Variants in MARCHF6 observed in about 807,000 individuals in gnomAD.
The protein encoded by MARCHF6 is membrane associated ring-CH-type finger 6, also known as E3 ubiquitin-protein ligase MARCHF6.
Under a neutral mutation model 133.7 loss-of-function variants are expected in MARCHF6, and 31 were observed. That is an observed-to-expected ratio of 0.23 (90% CI 0.17 to 0.31). The LOEUF (loss-of-function observed/expected upper bound fraction) is 0.31. MARCHF6 is among the 10% of genes least tolerant of loss of function. The probability of loss-of-function intolerance (pLI) is 1.00; values close to 1 mark genes in which losing one functional copy is unlikely to be tolerated. For synonymous variants in MARCHF6, 395 were observed against 402.5 expected (o/e 0.98, Z 0.22); for missense variants, 723 against 1,121.6 (o/e 0.64, Z 5.08).
chr5:10,360,335 G>A (rs1735748724), intron 1 of MARCHF6, among the ~76,000 whole-genome samples: 1 of 151,798 alleles, frequency 6.6e-6, no homozygotes, highest in Admixed American at 6.6e-5. Context: ...TTTTCGTAGA[G>A]ATGGGGTTTC....
At chr5:10,419,019 A>T (rs938927163) in intron 22 of MARCHF6, among the ~76,000 whole-genome samples, 1 of 152,214 alleles carries the variant, frequency 6.6e-6, no homozygotes, top group African/African-American at 2.4e-5. Flanking sequence ...CAGGAGGGAG[A>T]TGGGCAGACC....
intron 22 of MARCHF6, among the ~76,000 whole-genome samples, chr5:10,417,818 A>G (rs962650022): frequency 1.3e-5 from 2 of 149,586 alleles, no homozygotes; most frequent in Non-Finnish European, 3.0e-5. Flanking sequence ...TTTTTTTTTT[A>G]ATTCTAGGAA....
At chr5:10,405,873 T>A (rs1321128657) in intron 16 of MARCHF6, among the ~76,000 whole-genome samples, 196 bp downstream of exon 16, 2 of 152,178 alleles carry the variant, frequency 1.3e-5, no homozygotes, top group Non-Finnish European at 2.9e-5. Flanking sequence ...TAAAAAGATA[T>A]TTACTAAAAG....
chr5:10,416,052 T>C (rs1361513486), intron 21 of MARCHF6, among the ~76,000 whole-genome samples: 2 of 151,960 alleles, frequency 1.3e-5, no homozygotes, highest in Non-Finnish European at 2.9e-5. Flanking sequence ...CTGGATCATT[T>C]AGTAGCATGT....
chr5:10,405,115 T>G (rs1329777241), intron 15 of MARCHF6, among the ~76,000 whole-genome samples: 1 of 152,180 alleles, frequency 6.6e-6, no homozygotes, highest in Admixed American at 6.5e-5. Flanking sequence ...TTGGACCACA[T>G]AGAACTAGTA....
At chr5:10,420,846 A>G (rs915649016) in intron 22 of MARCHF6, among the ~76,000 whole-genome samples, 2 of 152,184 alleles carry the variant, frequency 1.3e-5, no homozygotes, top group Non-Finnish European at 1.5e-5. Context: ...CTTTTTCTAG[A>G]TAAGATTTAT....
Position 10,391,582 on chromosome 5 carries a change from A to G in MARCHF6, c.617A>G (p.Asp206Gly), listed in dbSNP as rs778871390. The part of the protein sequence containing the change: ...GGNGAENVAA[D>G]QPANPPAENA... ...AATGGTGCAGAAAATGTTGCTGCTGATCAGCCTGCTAACCCACCAGCTGAG... is the reference window on the plus strand; with the variant it reads ...AATGGTGCAGAAAATGTTGCTGCTGGTCAGCCTGCTAACCCACCAGCTGAG... The change falls in exon 7 of 26, where the codon GAT becomes GGT. Residue 206 changes from aspartate to glycine, a missense_variant. By Grantham distance (94) the Asp-to-Gly change is moderately conservative (BLOSUM62 -1). Around this residue, in one of 4 missense-constraint regions of MARCHF6, gnomAD observed 97 missense variants for 115.4 expected, o/e 0.84. Coordinates refer to ENST00000274140, the MANE Select transcript of MARCHF6 (RefSeq NM_005885.4). The G allele has an allele frequency of 1.2e-6, 2 of 1,612,052 alleles. No homozygotes were observed. The highest frequency in any genetic ancestry group is 3.3e-5 in the Admixed American group (2 of 59,778).
In MARCHF6 at chr5:10,395,516, C is replaced by G. The variant is rs368361457; in HGVS notation, c.861+731C>G. Among the ~76,000 whole-genome samples, 62 of 152,186 alleles carry G rather than the reference C, an allele frequency of 4.1e-4. 1 individual carries two copies. The highest frequency in any genetic ancestry group is 1.4e-3 in the Admixed American group (21 of 15,292). On this transcript the variant is annotated intron_variant, in intron 9 of 25. Coordinates refer to ENST00000274140, the MANE Select transcript of MARCHF6 (RefSeq NM_005885.4). ...TGCCATATTAGTAAAGATTGCAAGT[C>G]TAAGGTGAGGAGCAATTCTTTAAAG...
chr5:10,425,977 CTCA>C lies in MARCHF6; in HGVS notation c.2374-408_2374-406del, dbSNP rs561388529. 9.9e-5 allele frequency among the ~76,000 whole-genome samples: 15 copies of C among 152,266 alleles called. No homozygotes were observed. In the South Asian group the frequency reaches 1.2e-3, roughly 13 times the overall value. ...GAAACGCTTCCTGCTTCAGTGTTTT[CTCA>C]TCATACTCAGATAAAATGAATGCAA... On this transcript the variant is annotated intron_variant, in intron 23 of 25. Coordinates refer to ENST00000274140, the MANE Select transcript of MARCHF6 (RefSeq NM_005885.4).
chr5:10,410,092 A>G, intron 17 of MARCHF6, 47 bp from the exon 18 acceptor site: 2 of 1,589,560 alleles, frequency 1.3e-6, no homozygotes, highest in South Asian at 2.2e-5. Flanking sequence ...ATTAAATAGT[A>G]GTCATATGCA....
At chr5:10,365,318 G>A (rs928926801) in intron 1 of MARCHF6, among the ~76,000 whole-genome samples, 2 of 151,942 alleles carry the variant, frequency 1.3e-5, no homozygotes, top group African/African-American at 4.8e-5. Context: ...TATTATTTTT[G>A]AGACAGAGTT....
intron 11 of MARCHF6, 21 bp from the exon 12 acceptor site, chr5:10,402,038 T>C: frequency 6.8e-7 from 1 of 1,472,136 alleles, no homozygotes; most frequent in Non-Finnish European, 9.5e-7. Flanking sequence ...TAAATTTTAT[T>C]TACTTTTTTC....
chr5:10,407,962 C>G (rs1361018396), intron 17 of MARCHF6, among the ~76,000 whole-genome samples: 2 of 142,918 alleles, frequency 1.4e-5, no homozygotes, highest in African/African-American at 2.5e-5. Context: ...ATCCCCCCCC[C>G]CCCAAAAAAA....
At chr5:10,384,667 G>A (rs139647705) in intron 4 of MARCHF6, among the ~76,000 whole-genome samples, 119 of 152,266 alleles carry the variant, frequency 7.8e-4, no homozygotes, top group African/African-American at 2.2e-3. Flanking sequence ...TGCACAAGGA[G>A]GGTGACTAAA....
At chr5:10,420,080 G>A (rs530859530) in intron 22 of MARCHF6, among the ~76,000 whole-genome samples, 6 of 151,996 alleles carry the variant, frequency 3.9e-5, no homozygotes, top group Non-Finnish European at 8.8e-5. Context: ...ATCTGGGGCT[G>A]TTGACTGGAG....
rs1278659374 is a variant in MARCHF6, at chr5:10,438,329, T to C, written c.*4645T>C. 3 of 152,230 alleles carry C rather than the reference T, an allele frequency of 2.0e-5. No homozygotes were observed. The highest frequency in any genetic ancestry group is 7.2e-5 in the African/African-American group (3 of 41,462). 9.4% of individuals were successfully genotyped at this position (152,230 alleles called of 1,614,324 possible). A position where few individuals can be genotyped will look rare whatever the true frequency, so the allele number is the denominator to read the frequency against. ...CTTCAGACTATTTCTAATTTTTCTT[T>C]GTTTATAGGTTCAGAATTTTTTCCA... On this transcript the variant is annotated 3_prime_UTR_variant, in exon 26 of 26. Coordinates refer to ENST00000274140, the MANE Select transcript of MARCHF6 (RefSeq NM_005885.4).
At chr5:10,382,575 C>T (rs1457644059) in intron 4 of MARCHF6, among the ~76,000 whole-genome samples, 2 of 152,034 alleles carry the variant, frequency 1.3e-5, no homozygotes, top group African/African-American at 4.8e-5. Flanking sequence ...CGCCTGTAAT[C>T]CCAGCACTTT....
At chr5:10,369,447 A>G (rs1339299556) in intron 1 of MARCHF6, among the ~76,000 whole-genome samples, 1 of 152,124 alleles carries the variant, frequency 6.6e-6, no homozygotes, top group Non-Finnish European at 1.5e-5. Context: ...TTCTTCCCAC[A>G]TGTCTGTGTA....
intron 4 of MARCHF6, among the ~76,000 whole-genome samples, chr5:10,382,194 G>A (rs544556648): frequency 2.0e-5 from 3 of 152,244 alleles, no homozygotes; most frequent in African/African-American, 4.8e-5. Flanking sequence ...TCATGAAAGC[G>A]TTGAAAAAAT....
Sources: gnomAD v4.1 joint callset for allele counts (sites outside exome capture counted in the v4.1 genomes callset) on GRCh38, gnomAD v4.1.1 for gene constraint, gnomAD v4.1.1 regional missense constraint, MANE v1.5 for transcripts, NCBI Gene and HGNC (gene_info 2026-07-23, HGNC 2026-07-21) for gene names.